Variants in KCNQ3 observed in about 807,000 individuals in gnomAD.
KCNQ3 encodes potassium voltage-gated channel subfamily KQT member 3.
Under a neutral mutation model 92.5 loss-of-function variants are expected in KCNQ3, and 30 were observed. That is an observed-to-expected ratio of 0.32 (90% CI 0.24 to 0.44). The LOEUF (loss-of-function observed/expected upper bound fraction) is 0.44. KCNQ3 is among the 20% of genes least tolerant of loss of function. The pLI, the probability that KCNQ3 is intolerant of heterozygous loss-of-function variation, is 1.00. For synonymous variants in KCNQ3, 450 were observed against 468.8 expected (o/e 0.96, Z 0.52); for missense variants, 913 against 1,140.3 (o/e 0.80, Z 2.87).
chr8:132,396,160 C>G (rs1820187306), intron 1 of KCNQ3, among the ~76,000 whole-genome samples: 1 of 152,156 alleles, frequency 6.6e-6, no homozygotes, highest in African/African-American at 2.4e-5. Flanking sequence ...AGGCAGTGGC[C>G]TGGGTGCTCC....
intron 1 of KCNQ3, among the ~76,000 whole-genome samples, chr8:132,209,576 G>A (rs1813788632): frequency 6.6e-6 from 1 of 150,772 alleles, no homozygotes; most frequent in East Asian, 1.9e-4. Context: ...CGTATTGATG[G>A]TCCCCTACTT....
In KCNQ3 at chr8:132,396,949, C is replaced by CGTGTGT. The variant is rs112457824; in HGVS notation, c.386+83192_386+83197dup. On this transcript the variant is annotated intron_variant, in intron 1 of 14. Transcript: ENST00000388996. Reference sequence around the variant, plus strand: ...GGATGGGATAAAAATTGTGTGTGTGCGTGTGTGTGTGTGTGTATGTGTGTG... The same window carrying CGTGTGT: ...GGATGGGATAAAAATTGTGTGTGTGCGTGTGTGTGTGTGTGTGTGTGTATGTGTGTG... 3.4e-3 allele frequency among the ~76,000 whole-genome samples: 514 copies of CGTGTGT among 149,808 alleles called. 3 individuals carry two copies. Among genetic ancestry groups the CGTGTGT allele is most frequent in the African/African-American group, 0.012 (481 of 40,566 alleles).
chr8:132,457,457 T>C (rs1392738265), intron 1 of KCNQ3, among the ~76,000 whole-genome samples: 1 of 152,160 alleles, frequency 6.6e-6, no homozygotes, highest in Non-Finnish European at 1.5e-5. Context: ...CACTTCCATA[T>C]AAAGGGTCCC....
At chr8:132,278,309 A>G (rs1816403961) in intron 1 of KCNQ3, 1 of 548,386 alleles carries the variant, frequency 1.8e-6, no homozygotes. Flanking sequence ...CCAAAGGAAA[A>G]AAAAAGAAGA....
At chr8:132,147,300 C>T (rs945484681) in intron 9 of KCNQ3, among the ~76,000 whole-genome samples, 10 of 151,920 alleles carry the variant, frequency 6.6e-5, no homozygotes, top group Non-Finnish European at 1.3e-4. Flanking sequence ...TCTCGTTGCA[C>T]AGATAAGTTG....
chr8:132,185,186 T>C (rs1826922567), intron 2 of KCNQ3, among the ~76,000 whole-genome samples: 1 of 152,242 alleles, frequency 6.6e-6, no homozygotes, highest in South Asian at 2.1e-4. Flanking sequence ...TGCAAACCCC[T>C]GCTCTCAGAA....
chr8:132,130,064 A>G lies in KCNQ3; in HGVS notation c.1885-68T>C, dbSNP rs1414990782. 7.8e-6 allele frequency: 11 copies of G among 1,418,572 alleles called. No individual in the cohort carries two copies. The African/African-American group carries it at 1.3e-4, about 17-fold the overall frequency. The allele number at this position is 1,418,572 out of a possible 1,614,324, so 87.9% of individuals were successfully genotyped here. ...GTGGGGATCGTTGCTATTGGTTGGG[A>G]GGAAATATTCTTTTTTTTTGTTTTT... On this transcript the variant is annotated intron_variant, in intron 14 of 14. Coordinates refer to ENST00000388996, the MANE Select transcript of KCNQ3 (RefSeq NM_004519.4).
intron 1 of KCNQ3, among the ~76,000 whole-genome samples, chr8:132,209,567 G>T (rs893000980): frequency 7.0e-6 from 1 of 143,810 alleles, no homozygotes; most frequent in African/African-American, 2.7e-5. Flanking sequence ...ACACACACAC[G>T]TATTGATGGT....
intron 1 of KCNQ3, among the ~76,000 whole-genome samples, chr8:132,467,298 G>A (rs1822195571): frequency 6.6e-6 from 1 of 152,118 alleles, no homozygotes; most frequent in African/African-American, 2.4e-5. Context: ...ACAAATAAAT[G>A]TAAGTGGCTG....
At chr8:132,159,374 GT>G (rs1313166871) in intron 9 of KCNQ3, among the ~76,000 whole-genome samples, 3 of 152,156 alleles carry the variant, frequency 2.0e-5, no homozygotes, top group Non-Finnish European at 4.4e-5. Context: ...TCTAATGGGG[GT>G]TGCTAAGTAT....
At chr8:132,338,489 C>T (rs1818428725) in intron 1 of KCNQ3, among the ~76,000 whole-genome samples, 1 of 152,204 alleles carries the variant, frequency 6.6e-6, no homozygotes, top group Non-Finnish European at 1.5e-5. Context: ...GTAATTATTA[C>T]TATATGATAG....
intron 1 of KCNQ3, among the ~76,000 whole-genome samples, chr8:132,213,586 C>T (rs1813932991): frequency 1.3e-5 from 2 of 152,222 alleles, no homozygotes; most frequent in Admixed American, 1.3e-4. Context: ...TGTCACCCCT[C>T]TCATGCTGAG....
chr8:132,428,946 T>C (rs1358213709), intron 1 of KCNQ3, among the ~76,000 whole-genome samples: 4 of 152,130 alleles, frequency 2.6e-5, no homozygotes, highest in Non-Finnish European at 5.9e-5. Flanking sequence ...AAGGGACACC[T>C]GAGGGAGGTA....
chr8:132,320,641 G>C (rs1817869851), intron 1 of KCNQ3, among the ~76,000 whole-genome samples: 1 of 152,006 alleles, frequency 6.6e-6, no homozygotes, highest in East Asian at 1.9e-4. Flanking sequence ...GGAGAAGCTG[G>C]AACTTGATCT....
chr8:132,388,492 T>C (rs1819958629), intron 1 of KCNQ3, among the ~76,000 whole-genome samples: 1 of 152,230 alleles, frequency 6.6e-6, no homozygotes, highest in Admixed American at 6.5e-5. Flanking sequence ...AAGAAAACTA[T>C]TAAACATCAT....
intron 1 of KCNQ3, among the ~76,000 whole-genome samples, chr8:132,386,910 G>T (rs1819905153): frequency 6.6e-6 from 1 of 152,048 alleles, no homozygotes; most frequent in African/African-American, 2.4e-5. Flanking sequence ...ACAACAATAT[G>T]ATTTAAAAAA....
intron 1 of KCNQ3, among the ~76,000 whole-genome samples, chr8:132,242,376 T>A (rs1312088385): frequency 2.6e-5 from 4 of 152,178 alleles, no homozygotes; most frequent in Non-Finnish European, 5.9e-5. Context: ...GCAACCTTCA[T>A]ACCTTGCCTT....
At chr8:132,354,635 T>A (rs953793891) in intron 1 of KCNQ3, among the ~76,000 whole-genome samples, 1 of 152,202 alleles carries the variant, frequency 6.6e-6, no homozygotes, top group Admixed American at 6.5e-5. Flanking sequence ...CCCATATCCA[T>A]ACTTCCATGG....
chr8:132,261,492 TC>T (rs1414667757), intron 1 of KCNQ3, among the ~76,000 whole-genome samples: 1 of 152,172 alleles, frequency 6.6e-6, no homozygotes, highest in Non-Finnish European at 1.5e-5. Flanking sequence ...CTGGGGAGCT[TC>T]CCACAATGGT....
Sources: allele counts gnomAD v4.1 joint callset (sites outside exome capture counted in the v4.1 genomes callset), GRCh38; gene constraint gnomAD v4.1.1; transcripts MANE v1.5; gene names NCBI Gene and HGNC (gene_info 2026-07-23, HGNC 2026-07-21).